Variants in ING5 observed in about 807,000 individuals in gnomAD.
The protein encoded by ING5 is inhibitor of growth family member 5, also known as inhibitor of growth protein 5.
In ING5, 17 loss-of-function variants were observed where a neutral mutation model predicts 37.4. The ratio of observed to expected loss-of-function variants is 0.45; its 90% CI spans 0.31 to 0.68. The LOEUF is 0.68. Among genes scored for constraint, ING5 ranks in the 30% least tolerant of loss-of-function variants. The pLI, the probability that ING5 is intolerant of heterozygous loss-of-function variation, is 0.05. For synonymous variants in ING5, 123 were observed against 116.6 expected (o/e 1.06, Z -0.36); for missense variants, 233 against 311.9 (o/e 0.75, Z 1.91).
At chr2:241,710,683 C>T (rs1416236400) in intron 3 of ING5, among the ~76,000 whole-genome samples, 1 of 152,134 alleles carries the variant, frequency 6.6e-6, no homozygotes, top group Non-Finnish European at 1.5e-5. Context: ...GGGGTTGCTC[C>T]ATGTTGGTCA....
intron 7 of ING5, chr2:241,723,734 C>T (rs1691491577): frequency 1.9e-6 from 3 of 1,595,888 alleles, no homozygotes; most frequent in Non-Finnish European, 2.5e-6. Context: ...TGTGTTTTCT[C>T]TACCTGACCC....
At chr2:241,710,068 G>C (rs1053778810) in intron 3 of ING5, among the ~76,000 whole-genome samples, 3 of 149,834 alleles carry the variant, frequency 2.0e-5, no homozygotes, top group African/African-American at 7.4e-5. Context: ...TCAGTCTCCC[G>C]AGTAGCTGAG....
intron 1 of ING5, among the ~76,000 whole-genome samples, chr2:241,688,482 G>A (rs1044406574): frequency 2.0e-5 from 3 of 152,118 alleles, no homozygotes; most frequent in Admixed American, 1.3e-4. Flanking sequence ...GTGTAAGCTC[G>A]CGATTATATT....
chr2:241,699,854 C>CT (rs1191033899), upstream of ING5, among the ~76,000 whole-genome samples: 1 of 152,140 alleles, frequency 6.6e-6, no homozygotes, highest in Admixed American at 6.6e-5. Context: ...TGATCCCCAG[C>CT]TTGGGGGCGT....
chr2:241,727,983 C>T lies in ING5; in HGVS notation c.*2952C>T, dbSNP rs1691689036. On this transcript the variant is annotated 3_prime_UTR_variant, in exon 8 of 8. Coordinates refer to ENST00000313552, the MANE Select transcript of ING5 (RefSeq NM_032329.6). ...GACCTTTTCTTTTCAAGTTTCTGTGCTTAGTGTTTTTAATGTTTACTTTTG... is the reference window on the plus strand; with the variant it reads ...GACCTTTTCTTTTCAAGTTTCTGTGTTTAGTGTTTTTAATGTTTACTTTTG... The T allele has an allele frequency of 6.6e-6, 1 of 152,236 alleles. No homozygotes were observed. Among genetic ancestry groups the T allele is most frequent in the South Asian group, 2.1e-4 (1 of 4,836 alleles). The allele number at this position is 152,236 out of a possible 1,614,324, so 9.4% of individuals were successfully genotyped here.
rs190472159 is a variant in ING5, at chr2:241,711,519, A to C, written c.388+31A>C. The C allele has an allele frequency of 1.9e-4, 272 of 1,444,998 alleles. 1 individual carries two copies. The African/African-American group carries it at 3.4e-3, about 18-fold the overall frequency. 89.5% of individuals were successfully genotyped at this position (1,444,998 alleles called of 1,614,324 possible). ...TCTGTTAATTTTTTTTCTTTATTTTATTACTGTTAACTATGGAGTTTTGAA... is the reference window on the plus strand; with the variant it reads ...TCTGTTAATTTTTTTTCTTTATTTTCTTACTGTTAACTATGGAGTTTTGAA... On this transcript the variant is annotated intron_variant, in intron 4 of 7. Transcript: ENST00000313552.
chr2:241,699,441 G>T (rs939705074), upstream of ING5, among the ~76,000 whole-genome samples: 4 of 152,012 alleles, frequency 2.6e-5, no homozygotes, highest in African/African-American at 9.7e-5. Flanking sequence ...TTAGGTGGGG[G>T]TCTCCGTCAC....
At chr2:241,719,401 A>G in intron 5 of ING5, 1 of 677,438 alleles carries the variant, frequency 1.5e-6, no homozygotes, top group Non-Finnish European at 2.5e-6. Flanking sequence ...CAGGTCATCT[A>G]GCTCTTGTTG....
At chr2:241,708,824 G>A (rs935863155) in intron 2 of ING5, among the ~76,000 whole-genome samples, 1 of 152,088 alleles carries the variant, frequency 6.6e-6, no homozygotes, top group African/African-American at 2.4e-5. Context: ...TTTGTTTAGG[G>A]TATTTAAGAG....
In ING5 at chr2:241,725,093, AT is replaced by A. The variant is rs1691560264; in HGVS notation, c.*65del. Reference sequence around the variant, plus strand: ...TCTGTCCCTTCATTCGTGTCGCAATATTTCCCTTCCTTTTAAAACTACCTTG... The same window carrying A: ...TCTGTCCCTTCATTCGTGTCGCAATATTCCCTTCCTTTTAAAACTACCTTG... On this transcript the variant is annotated 3_prime_UTR_variant, in exon 8 of 8. Coordinates refer to ENST00000313552, the MANE Select transcript of ING5 (RefSeq NM_032329.6). The A allele has an allele frequency of 6.4e-7, 1 of 1,550,488 alleles. No individual in the cohort carries two copies. The highest frequency in any genetic ancestry group is 1.7e-5 in the Admixed American group (1 of 59,894).
At chr2:241,701,312 T>G (rs201637650), upstream of ING5, among the ~76,000 whole-genome samples, 19,961 of 152,180 alleles carry the variant, frequency 0.13, 1,703 homozygotes, top group East Asian at 0.42. Context: ...GCACGCCATC[T>G]TATTAACTAT....
At chr2:241,724,227 C>T (rs556142270) in intron 7 of ING5, among the ~76,000 whole-genome samples, 2 of 152,216 alleles carry the variant, frequency 1.3e-5, no homozygotes, top group East Asian at 1.9e-4. Context: ...GAAAGGATGC[C>T]GTGTCTCGGA....
At chr2:241,710,416 C>G (rs964812524) in intron 3 of ING5, among the ~76,000 whole-genome samples, 1 of 152,214 alleles carries the variant, frequency 6.6e-6, no homozygotes, top group African/African-American at 2.4e-5. Context: ...GATTCTCCTG[C>G]CTCAGCCTCC....
At chr2:241,701,793 C>T (rs1342248333), upstream of ING5, among the ~76,000 whole-genome samples, 1 of 152,022 alleles carries the variant, frequency 6.6e-6, no homozygotes, top group Non-Finnish European at 1.5e-5. Context: ...GGCCGCACGC[C>T]GGGCGGTGGG....
intron 1 of ING5, among the ~76,000 whole-genome samples, chr2:241,703,677 C>A (rs759606473): frequency 2.0e-5 from 3 of 152,002 alleles, no homozygotes; most frequent in Non-Finnish European, 4.4e-5. Flanking sequence ...ATGATCTCAG[C>A]ACACTGCAAC....
At chr2:241,720,367 C>T in intron 5 of ING5, 1 of 1,186,840 alleles carries the variant, frequency 8.4e-7, no homozygotes, top group Non-Finnish European at 1.0e-6. Context: ...GCGCACGCAC[C>T]ATCCTGTCCC....
At chr2:241,690,709 A>G in intron 2 of ING5, 1 of 398,362 alleles carries the variant, frequency 2.5e-6, no homozygotes, top group East Asian at 3.6e-5. Flanking sequence ...GTGTGGTCAG[A>G]GATACAGGTG....
intron 5 of ING5, chr2:241,719,469 G>A: frequency 7.7e-7 from 1 of 1,302,504 alleles, no homozygotes; most frequent in Non-Finnish European, 1.1e-6. Context: ...TGGGTTTTGT[G>A]TTTTCTAACT....
intron 5 of ING5, among the ~76,000 whole-genome samples, chr2:241,713,746 T>C (rs934767954): frequency 6.6e-6 from 1 of 150,550 alleles, no homozygotes; most frequent in African/African-American, 2.4e-5. Context: ...CGCAGCACTT[T>C]GGGAGGCCAA....
Sources: allele counts gnomAD v4.1 joint callset (sites outside exome capture counted in the v4.1 genomes callset), GRCh38; gene constraint gnomAD v4.1.1; transcripts MANE v1.5; gene names NCBI Gene and HGNC (gene_info 2026-07-23, HGNC 2026-07-21).